ULK4: variants seen among roughly 807,000 people sequenced by gnomAD.
ULK4 encodes unc-51 like kinase 4.
In ULK4, 133 loss-of-function variants were observed where a neutral mutation model predicts 160.6. That is an observed-to-expected ratio of 0.83 (90% CI 0.72 to 0.96). ULK4 has a LOEUF of 0.96. Ranked by LOEUF, ULK4 falls within the 40% of genes least tolerant of loss-of-function variation. The probability of loss-of-function intolerance (pLI) is 0.00; values close to 1 mark genes in which losing one functional copy is unlikely to be tolerated. For synonymous variants in ULK4, 534 were observed against 539.8 expected, an observed-to-expected ratio of 0.99 and a Z score of 0.15; for missense variants, 1,580 against 1,499.5, an observed-to-expected ratio of 1.05 and a Z score of -0.89.
At chr3:41,552,871 A>C (rs1293658409) in intron 32 of ULK4, among the ~76,000 whole-genome samples, 1 of 152,096 alleles carries the variant, frequency 6.6e-6, no homozygotes, top group Non-Finnish European at 1.5e-5. Context: ...AGGCTATGTA[A>C]CCAAAACAAC....
intron 30 of ULK4, among the ~76,000 whole-genome samples, chr3:41,639,653 G>T (rs936575068): frequency 6.6e-6 from 1 of 152,112 alleles, no homozygotes; most frequent in East Asian, 1.9e-4. Context: ...ACTTAAACCT[G>T]GGAGGCGGAG....
intron 32 of ULK4, among the ~76,000 whole-genome samples, chr3:41,469,773 A>T (rs536867263): frequency 4.5e-4 from 66 of 145,118 alleles, no homozygotes; most frequent in Admixed American, 2.3e-3. Context: ...GAAAGGGTCA[A>T]ATTTTATAAA....
chr3:41,635,872 T>A (rs2033932867), intron 30 of ULK4, among the ~76,000 whole-genome samples: 2 of 152,230 alleles, frequency 1.3e-5, no homozygotes, highest in South Asian at 2.1e-4. Flanking sequence ...ATTGGGTTTT[T>A]AAAAATATAT....
At chr3:41,322,194 G>C (rs1174903086) in intron 35 of ULK4, among the ~76,000 whole-genome samples, 1 of 142,984 alleles carries the variant, frequency 7.0e-6, no homozygotes, top group Non-Finnish European at 1.5e-5. Context: ...ACCACGCCCT[G>C]CTCCTTTTTG....
intron 5 of ULK4, among the ~76,000 whole-genome samples, chr3:41,925,533 C>G (rs1699350278): frequency 6.6e-6 from 1 of 152,158 alleles, no homozygotes; most frequent in African/African-American, 2.4e-5. Flanking sequence ...CCAGTGGCAC[C>G]TGGAAGGCCA....
intron 32 of ULK4, among the ~76,000 whole-genome samples, chr3:41,501,763 C>A (rs367925598): frequency 2.0e-5 from 3 of 152,102 alleles, no homozygotes; most frequent in African/African-American, 7.2e-5. Context: ...TAAACTTACT[C>A]CTTCTATCTA....
At position 41,942,540 on chromosome 3, in the gene ULK4, G is replaced by A. The variant is rs7638173; in HGVS notation, c.139-4343C>T. Among the ~76,000 whole-genome samples the A allele has an allele frequency of 5.3e-5, 8 of 150,674 alleles. No individual in the cohort carries two copies. The East Asian group carries it at 6.0e-4, about 11-fold the overall frequency. ...TCTCAAAAAAATAAATAAATAGGCC[G>A]GGCGCGGTGGCTCACGCCTGTAATG... On this transcript the variant is annotated intron_variant, in intron 2 of 36. Coordinates refer to ENST00000301831, the MANE Select transcript of ULK4 (RefSeq NM_017886.4).
At chr3:41,819,134 T>C (rs2041059708) in intron 19 of ULK4, among the ~76,000 whole-genome samples, 3 of 151,866 alleles carry the variant, frequency 2.0e-5, no homozygotes. Flanking sequence ...AAAGGGGGAG[T>C]GCGGAGGGTA....
intron 18 of ULK4, among the ~76,000 whole-genome samples, chr3:41,827,072 C>G (rs943960789): frequency 6.6e-6 from 1 of 150,524 alleles, no homozygotes; most frequent in Admixed American, 6.6e-5. Flanking sequence ...GGGTACATAA[C>G]GAAACAAAGG....
intron 32 of ULK4, among the ~76,000 whole-genome samples, chr3:41,525,833 G>T (rs1461732090): frequency 6.6e-6 from 1 of 152,132 alleles, no homozygotes; most frequent in Non-Finnish European, 1.5e-5. Context: ...TCATGCTTAT[G>T]ATGTAGCTCC....
intron 19 of ULK4, among the ~76,000 whole-genome samples, chr3:41,808,178 A>G (rs7648357): frequency 0.3 from 45,583 of 151,976 alleles, 9,640 homozygotes; most frequent in African/African-American, 0.61. Context: ...AAAAAATATT[A>G]ATATTTTGCC....
At chr3:41,638,082 G>A (rs2034031915) in intron 30 of ULK4, among the ~76,000 whole-genome samples, 1 of 151,970 alleles carries the variant, frequency 6.6e-6, no homozygotes, top group Non-Finnish European at 1.5e-5. Context: ...CCTTTGCTTT[G>A]AGTTCAAAGA....
chr3:41,795,022 T>C (rs892552480), intron 20 of ULK4, among the ~76,000 whole-genome samples: 25 of 152,210 alleles, frequency 1.6e-4, no homozygotes, highest in South Asian at 2.1e-4. Context: ...CTGAAGGTCA[T>C]GTTAAGAATT....
At chr3:41,869,191 C>T (rs1388314189) in intron 17 of ULK4, 1 of 151,884 alleles carries the variant, frequency 6.6e-6, no homozygotes, top group Non-Finnish European at 1.5e-5. Context: ...ATTATAATAG[C>T]ATGCATAAAT....
chr3:41,801,523 A>C (rs1206491944), intron 19 of ULK4, among the ~76,000 whole-genome samples: 1 of 146,714 alleles, frequency 6.8e-6, no homozygotes, highest in Non-Finnish European at 1.5e-5. Context: ...CATCATAATC[A>C]GACTGCTTTA....
chr3:41,645,765 T>C (rs1457697375), intron 30 of ULK4, among the ~76,000 whole-genome samples: 1 of 152,194 alleles, frequency 6.6e-6, no homozygotes, highest in Admixed American at 6.5e-5. Flanking sequence ...TTCTGTCTTG[T>C]TGATCTGTCT....
At chr3:41,911,429 T>A (rs750619395) in intron 10 of ULK4, 43 bp from the exon 11 acceptor site, 8 of 1,606,610 alleles carry the variant, frequency 5.0e-6, no homozygotes, top group Non-Finnish European at 6.8e-6. Flanking sequence ...AGAACAAAAA[T>A]ATCATATGCA....
intron 13 of ULK4, 112 bp from the exon 14 acceptor site, chr3:41,898,604 G>T: frequency 1.6e-6 from 1 of 628,778 alleles, no homozygotes. Flanking sequence ...AAAAGAATGT[G>T]CAAAATTTGT....
At chr3:41,850,257 T>C (rs2042177067) in intron 17 of ULK4, among the ~76,000 whole-genome samples, 1 of 152,354 alleles carries the variant, frequency 6.6e-6, no homozygotes, top group South Asian at 2.1e-4. Flanking sequence ...TTGTGAATAG[T>C]GCTGCAATAA....
Sources: gnomAD v4.1 joint callset for allele counts (sites outside exome capture counted in the v4.1 genomes callset) on GRCh38, gnomAD v4.1.1 for gene constraint, MANE v1.5 for transcripts, NCBI Gene and HGNC (gene_info 2026-07-23, HGNC 2026-07-21) for gene names.